BMAL2: variants seen among roughly 807,000 people sequenced by gnomAD.
BMAL2 encodes the protein basic helix-loop-helix ARNT-like protein 2.
At chr12:27,370,308 C>G in the BMAL2 span, 8 of 1,053,390 alleles carry the variant, frequency 7.6e-6, no homozygotes, top group Non-Finnish European at 1.0e-5. Flanking sequence ...ACATGATACA[C>G]GTCCCACTGA....
At chr12:27,405,323 A>T in the BMAL2 span, among the ~76,000 whole-genome samples, 2 of 152,254 alleles carry the variant, frequency 1.3e-5, no homozygotes, top group Non-Finnish European at 2.9e-5. Flanking sequence ...CTGACCCCTG[A>T]GTAGCCTAAC....
chr12:27,391,061 C>G, the BMAL2 span, among the ~76,000 whole-genome samples: 1 of 152,090 alleles, frequency 6.6e-6, no homozygotes, highest in Admixed American at 6.6e-5. Context: ...AAACACTATT[C>G]TTTTTTTAAA....
At chr12:27,408,323 A>G in the BMAL2 span, among the ~76,000 whole-genome samples, 2 of 152,244 alleles carry the variant, frequency 1.3e-5, no homozygotes, top group Admixed American at 6.5e-5. Flanking sequence ...TCCCTGATGA[A>G]CATGGATACA....
chr12:27,389,321 A>G, the BMAL2 span: 4 of 1,449,662 alleles, frequency 2.8e-6, no homozygotes, highest in Non-Finnish European at 3.9e-6. Context: ...CCGCATGCTT[A>G]TTATTTTATG....
the BMAL2 span, among the ~76,000 whole-genome samples, chr12:27,371,216 C>T: frequency 5.9e-5 from 9 of 152,230 alleles, no homozygotes; most frequent in African/African-American, 1.2e-4. Flanking sequence ...GGTATGATGG[C>T]GTATGCCTGT....
At chr12:27,343,516 G>A in the BMAL2 span, among the ~76,000 whole-genome samples, 1 of 151,868 alleles carries the variant, frequency 6.6e-6, no homozygotes. Flanking sequence ...TCTACTATTT[G>A]CTCATAACCT....
chr12:27,405,987 G>T, the BMAL2 span, among the ~76,000 whole-genome samples: 1 of 152,186 alleles, frequency 6.6e-6, no homozygotes, highest in Non-Finnish European at 1.5e-5. Context: ...GGAAGAAAGG[G>T]TATCAGTGAT....
the BMAL2 span, chr12:27,370,280 C>A: frequency 7.3e-7 from 1 of 1,373,674 alleles, no homozygotes; most frequent in Non-Finnish European, 1.0e-6. Context: ...TTGAAGAGGG[C>A]ATAGAGTGGC....
At chr12:27,371,561 T>A in the BMAL2 span, among the ~76,000 whole-genome samples, 1 of 152,116 alleles carries the variant, frequency 6.6e-6, no homozygotes, top group South Asian at 2.1e-4. Flanking sequence ...AACTAAGTCA[T>A]GAAAGATCTG....
At chr12:27,399,473 A>G in the BMAL2 span, among the ~76,000 whole-genome samples, 36 of 152,262 alleles carry the variant, frequency 2.4e-4, no homozygotes, top group Admixed American at 5.9e-4. Context: ...TCCTAGGACA[A>G]TGGAGATACT....
At chr12:27,376,440 C>G in the BMAL2 span, 1 of 1,555,836 alleles carries the variant, frequency 6.4e-7, no homozygotes, top group Middle Eastern at 1.7e-4. Context: ...TACACAAAGG[C>G]AAGCCTGTAG....
the BMAL2 span, among the ~76,000 whole-genome samples, chr12:27,343,007 GT>G: frequency 4.1e-4 from 62 of 152,338 alleles, 1 homozygote; most frequent in East Asian, 0.011. Flanking sequence ...GCACCTCAAA[GT>G]TTAGAAGGCA....
the BMAL2 span, among the ~76,000 whole-genome samples, chr12:27,362,653 C>CA: frequency 2.0e-5 from 3 of 151,676 alleles, no homozygotes; most frequent in South Asian, 2.1e-4. Context: ...TATCTCTATA[C>CA]AAAAAAAATT....
the BMAL2 span, chr12:27,368,240 T>C: frequency 6.2e-7 from 1 of 1,612,128 alleles, no homozygotes; most frequent in South Asian, 1.1e-5. Context: ...ATAAATGTCT[T>C]GTTGTACTCT....
the BMAL2 span, chr12:27,415,717 C>A: frequency 1.6e-6 from 1 of 610,852 alleles, no homozygotes; most frequent in Non-Finnish European, 2.9e-6. Context: ...AGCCTGGCAC[C>A]TAGTAAGTCA....
chr12:27,335,567 G>A, the BMAL2 span, among the ~76,000 whole-genome samples: 3 of 152,166 alleles, frequency 2.0e-5, no homozygotes, highest in African/African-American at 4.8e-5. Flanking sequence ...GAAATCAAAC[G>A]TCATGTCCCA....
chr12:27,376,507 TG>T, the BMAL2 span: 1 of 770,804 alleles, frequency 1.3e-6, no homozygotes, highest in East Asian at 2.7e-5. Flanking sequence ...TTTTCTCTCT[TG>T]TTATGCTCTG....
At chr12:27,411,943 C>G in the BMAL2 span, among the ~76,000 whole-genome samples, 2 of 152,054 alleles carry the variant, frequency 1.3e-5, no homozygotes, top group African/African-American at 4.8e-5. Context: ...TGAGGCTGTT[C>G]CACTATTTCG....
chr12:27,361,613 G>A, the BMAL2 span, among the ~76,000 whole-genome samples: 1 of 152,186 alleles, frequency 6.6e-6, no homozygotes, highest in South Asian at 2.1e-4. Context: ...TTCTGCAGAT[G>A]TATATGTGGA....
Sources: allele counts gnomAD v4.1 joint callset (sites outside exome capture counted in the v4.1 genomes callset), GRCh38; gene constraint gnomAD v4.1.1; transcripts MANE v1.5; gene names NCBI Gene and HGNC (gene_info 2026-07-23, HGNC 2026-07-21).